Variants in MAGI2 observed in about 807,000 individuals in gnomAD.
The protein encoded by MAGI2 is membrane-associated guanylate kinase, WW and PDZ domain-containing protein 2.
A neutral mutation model predicts 133.3 loss-of-function variants in MAGI2; 35 were observed. The ratio of observed to expected loss-of-function variants is 0.26; its 90% confidence interval spans 0.20 to 0.35. The LOEUF (loss-of-function observed/expected upper bound fraction) is 0.35. Among genes scored for constraint, MAGI2 ranks in the 10% least tolerant of loss-of-function variants. The pLI is 1.00. For synonymous variants in MAGI2, 729 were observed against 710.6 expected, an observed-to-expected ratio of 1.03 and a Z score of -0.41; for missense variants, 1,636 against 1,863.4, an observed-to-expected ratio of 0.88 and a Z score of 2.25.
chr7:78,678,766 T>G (rs1412687117), intron 2 of MAGI2, among the ~76,000 whole-genome samples: 1 of 152,148 alleles, frequency 6.6e-6, no homozygotes, highest in Non-Finnish European at 1.5e-5. Context: ...ACTCATTATG[T>G]GAATTTTAAC....
intron 4 of MAGI2, chr7:78,518,511 A>G (rs1796225397): frequency 6.6e-6 from 1 of 152,228 alleles, no homozygotes; most frequent in African/African-American, 2.4e-5. Context: ...CTCCTAAAGC[A>G]TGGTAAGCAT....
intron 1 of MAGI2, among the ~76,000 whole-genome samples, chr7:79,395,575 A>G (rs1844989140): frequency 6.6e-6 from 1 of 152,178 alleles, no homozygotes; most frequent in Non-Finnish European, 1.5e-5. Context: ...ATATTATTCT[A>G]CATGTTTAGA....
At chr7:78,612,760 C>T (rs1806600873) in intron 3 of MAGI2, among the ~76,000 whole-genome samples, 1 of 152,054 alleles carries the variant, frequency 6.6e-6, no homozygotes, top group South Asian at 2.1e-4. Flanking sequence ...ACCTCCGCCT[C>T]CCAGGTTCAT....
At chr7:79,436,568 T>C (rs1321797589) in intron 1 of MAGI2, among the ~76,000 whole-genome samples, 1 of 151,780 alleles carries the variant, frequency 6.6e-6, no homozygotes, top group Non-Finnish European at 1.5e-5. Context: ...TTCTCAAAAA[T>C]AAACAAGTGG....
At chr7:78,541,746 G>C (rs1798428676) in intron 3 of MAGI2, among the ~76,000 whole-genome samples, 1 of 152,120 alleles carries the variant, frequency 6.6e-6, no homozygotes, top group Admixed American at 6.6e-5. Context: ...AAGAACCACT[G>C]TCTTTGAAGA....
At chr7:78,329,568 T>C (rs1298333979) in intron 9 of MAGI2, among the ~76,000 whole-genome samples, 1 of 152,196 alleles carries the variant, frequency 6.6e-6, no homozygotes, top group African/African-American at 2.4e-5. Context: ...ATATATTTAA[T>C]TCAAGGAGTG....
chr7:79,235,100 C>A (rs1444582851), intron 1 of MAGI2, among the ~76,000 whole-genome samples: 1 of 151,416 alleles, frequency 6.6e-6, no homozygotes, highest in Non-Finnish European at 1.5e-5. Flanking sequence ...CCCAGTTAGG[C>A]TGCTCGGGGG....
intron 2 of MAGI2, among the ~76,000 whole-genome samples, chr7:78,956,857 A>C (rs946365534): frequency 6.6e-6 from 1 of 152,206 alleles, no homozygotes; most frequent in African/African-American, 2.4e-5. Flanking sequence ...GCAACATACT[A>C]TCAAATGTCA....
At chr7:79,374,231 A>G (rs541050743) in intron 1 of MAGI2, among the ~76,000 whole-genome samples, 113 of 152,082 alleles carry the variant, frequency 7.4e-4, no homozygotes, top group Non-Finnish European at 1.4e-3. Flanking sequence ...TAGGGTCTTT[A>G]CAAAGTAATG....
chr7:79,439,033 C>T (rs1001328691), intron 1 of MAGI2, among the ~76,000 whole-genome samples: 3 of 152,066 alleles, frequency 2.0e-5, no homozygotes, highest in African/African-American at 7.2e-5. Flanking sequence ...GAAAAATCCT[C>T]GGTTGCCTCC....
chr7:78,707,901 GA>G (rs1008605169), intron 2 of MAGI2, among the ~76,000 whole-genome samples: 1 of 152,040 alleles, frequency 6.6e-6, no homozygotes, highest in African/African-American at 2.4e-5. Context: ...AAAATGGAAA[GA>G]AAAAGCATTC....
At position 78,800,903 on chromosome 7, in the gene MAGI2, A is replaced by G. The variant is rs1258195795; in HGVS notation, c.419-173664T>C. The stretch of plus-strand genomic sequence containing the variant: ...TGAACTTACCTGACCATGAATGGCA[A>G]CCTCTAGTTGAAGGGATGAAATTAA... On this transcript the variant is annotated intron_variant, in intron 2 of 21. Transcript: ENST00000354212. Among the ~76,000 whole-genome samples the G allele has an allele frequency of 2.6e-5, 4 of 152,128 alleles. No individual in the cohort carries two copies. In the South Asian group the frequency reaches 8.3e-4, roughly 32 times the overall value.
chr7:79,443,263 AGTGTGTGT>A (rs10600872), intron 1 of MAGI2, among the ~76,000 whole-genome samples: 4 of 143,670 alleles, frequency 2.8e-5, no homozygotes, highest in African/African-American at 5.2e-5. Flanking sequence ...TAGTGTTTGA[AGTGTGTGT>A]GTGTGTGTGT....
rs145331526 is a variant in MAGI2, at chr7:78,513,677, G to A, written c.754+7753C>T. Among the ~76,000 whole-genome samples the A allele has an allele frequency of 5.4e-3, 828 of 152,264 alleles. 8 individuals are homozygous for A. The highest frequency in any genetic ancestry group is 0.019 in the African/African-American group (786 of 41,562). On this transcript the variant is annotated intron_variant, in intron 4 of 21. Transcript: ENST00000354212. ...CTGAGGTGCTACTCTGGTTGTCCTT[G>A]TTCTGCCTTCCTCACTCATGGATCA...
intron 6 of MAGI2, among the ~76,000 whole-genome samples, chr7:78,413,741 T>C (rs1798056190): frequency 6.6e-6 from 1 of 151,840 alleles, no homozygotes; most frequent in Admixed American, 6.6e-5. Context: ...TCTTGGGCAA[T>C]GGTATTGGAC....
rs540582904 is a variant in MAGI2 at position 79,068,954 on chromosome 7, CTGTT to C, written c.302-61752_302-61749del. On this transcript the variant is annotated intron_variant, in intron 1 of 21. Coordinates refer to ENST00000354212, the MANE Select transcript of MAGI2 (RefSeq NM_012301.4). ...TTTGATTACACTGTGGTCTGAGAGA[CTGTT>C]TGTTATGATTTCCATTCTTTTGCAT... 3.1e-3 allele frequency among the ~76,000 whole-genome samples: 460 copies of C among 150,554 alleles called. 3 individuals carry two copies. Among genetic ancestry groups the C allele is most frequent in the African/African-American group, 0.011 (440 of 41,112 alleles).
At chr7:78,418,563 A>T (rs903535556) in intron 6 of MAGI2, among the ~76,000 whole-genome samples, 2 of 152,174 alleles carry the variant, frequency 1.3e-5, no homozygotes, top group African/African-American at 4.8e-5. Context: ...AAATATGGCC[A>T]GTGCAAATGA....
chr7:79,075,740 G>T (rs1815406103), intron 1 of MAGI2, among the ~76,000 whole-genome samples: 1 of 152,074 alleles, frequency 6.6e-6, no homozygotes. Context: ...CTCCAGCCTT[G>T]GTGGAGCCAG....
At chr7:79,262,586 G>A (rs527627709) in intron 1 of MAGI2, among the ~76,000 whole-genome samples, 164 of 152,252 alleles carry the variant, frequency 1.1e-3, no homozygotes, top group African/African-American at 3.7e-3. Context: ...ATAACAAGGG[G>A]ATTCTTTCTG....
Sources: allele counts gnomAD v4.1 joint callset (sites outside exome capture counted in the v4.1 genomes callset), GRCh38; gene constraint gnomAD v4.1.1; transcripts MANE v1.5; gene names NCBI Gene and HGNC (gene_info 2026-07-23, HGNC 2026-07-21).